The following PDE4DIP variants were observed in gnomAD, a reference collection of about 807,000 sequenced individuals.
PDE4DIP encodes myomegalin.
Under a neutral mutation model 221.4 loss-of-function variants are expected in PDE4DIP, and 59 were observed. The ratio of observed to expected loss-of-function variants is 0.27; its 90% CI spans 0.22 to 0.33. The LOEUF is 0.33. Among genes scored for constraint, PDE4DIP ranks in the 10% least tolerant of loss-of-function variants. The probability of loss-of-function intolerance (pLI) is 1.00; values close to 1 mark genes in which losing one functional copy is unlikely to be tolerated. For missense variants in PDE4DIP, 1,036 were observed against 2,154.2 expected (o/e 0.48, Z 10.28); for synonymous variants, 404 against 815.9 (o/e 0.50, Z 8.60).
chr1:148,927,358 A>G (rs2046951542), intron 1 of PDE4DIP, among the ~76,000 whole-genome samples: 1 of 152,062 alleles, frequency 6.6e-6, no homozygotes, highest in Non-Finnish European at 1.5e-5. Context: ...AAAACATACT[A>G]GTAATATGAT....
At chr1:148,935,049 A>T (rs2048922114) in intron 4 of PDE4DIP, among the ~76,000 whole-genome samples, 2 of 152,274 alleles carry the variant, frequency 1.3e-5, no homozygotes, top group Admixed American at 6.5e-5. Flanking sequence ...CCCCATCTCA[A>T]CTAAAAATAC....
intron 33 of PDE4DIP, among the ~76,000 whole-genome samples, chr1:149,016,873 G>A (rs1553611810): frequency 6.6e-6 from 1 of 152,294 alleles, no homozygotes; most frequent in African/African-American, 2.4e-5. Context: ...AGGCATAGAT[G>A]GGACTTTCTT....
chr1:148,981,432 G>A, intron 21 of PDE4DIP, 35 bp downstream of exon 24: 1 of 1,613,382 alleles, frequency 6.2e-7, no homozygotes, highest in South Asian at 1.1e-5. Flanking sequence ...TTCATCACAA[G>A]CATGCCTACT....
At chr1:148,967,698 C>T (rs781867918) in intron 12 of PDE4DIP, 28 bp from the exon 16 acceptor site, 5 of 1,237,262 alleles carry the variant, frequency 4.0e-6, no homozygotes, top group Admixed American at 1.8e-5. Flanking sequence ...ATCATTTTGA[C>T]TGATTATTGC....
At chr1:149,031,125 C>A (rs2076611561) in intron 43 of PDE4DIP, 1 of 399,512 alleles carries the variant, frequency 2.5e-6, no homozygotes, top group South Asian at 1.1e-4. Flanking sequence ...TTCACTAATT[C>A]CCTTTTGTTT....
At chr1:148,965,639 TCAG>T in exon 10 of PDE4DIP, 1 of 857,312 alleles carries the variant, frequency 1.2e-6, no homozygotes, top group East Asian at 2.4e-5. Context: ...AGCAGTTGCT[TCAG>T]GTGAGTTTAC....
intron 5 of PDE4DIP, chr1:148,953,968 A>C: frequency 9.6e-7 from 1 of 1,044,242 alleles, no homozygotes; most frequent in South Asian, 1.4e-5. Context: ...GCTTCACGTG[A>C]TTTCGGTCTA....
chr1:149,021,766 A>G (rs1264827000), intron 37 of PDE4DIP: 1 of 147,258 alleles, frequency 6.8e-6, no homozygotes, highest in Non-Finnish European at 1.5e-5. Flanking sequence ...AAAAACAAAA[A>G]CAAAAAAACC....
At chr1:148,972,854 G>A (rs1179627942) in intron 16 of PDE4DIP, among the ~76,000 whole-genome samples, 12 of 145,452 alleles carry the variant, frequency 8.3e-5, no homozygotes, top group Admixed American at 6.9e-4. Context: ...ATTCAGAAAT[G>A]CAGGAGGTAA....
exon 44 of PDE4DIP, chr1:149,032,124 G>C (rs782730349): frequency 2.1e-5 from 33 of 1,553,952 alleles, no homozygotes; most frequent in Admixed American, 5.6e-5. Flanking sequence ...AAGTCCACGG[G>C]AGGGTCCAGA....
chr1:148,968,706 G>T, intron 13 of PDE4DIP, 130 bp from the exon 17 acceptor site: 2 of 623,098 alleles, frequency 3.2e-6, no homozygotes, highest in Admixed American at 2.9e-5. Context: ...AAACAAAAAT[G>T]AGTAAAACAT....
At chr1:148,988,108 T>G (rs782186731) in intron 21 of PDE4DIP, among the ~76,000 whole-genome samples, 8 of 152,158 alleles carry the variant, frequency 5.3e-5, no homozygotes, top group Non-Finnish European at 1.0e-4. Context: ...TCAAGCCTCC[T>G]GCTGGGGAAA....
chr1:148,929,601 T>C (rs2047398347), intron 2 of PDE4DIP: 3 of 288,654 alleles, frequency 1.0e-5, no homozygotes, highest in Middle Eastern at 1.2e-3. Context: ...AAAGTATCAG[T>C]CAGCCTATAA....
At chr1:149,013,772 C>T (rs1553607874) in intron 32 of PDE4DIP, among the ~76,000 whole-genome samples, 1 of 81,864 alleles carries the variant, frequency 1.2e-5, no homozygotes, top group African/African-American at 6.5e-5. Context: ...TATTTCTTTC[C>T]TTCTTCCTCT....
intron 1 of PDE4DIP, among the ~76,000 whole-genome samples, chr1:148,923,718 C>G (rs2046032408): frequency 6.9e-6 from 1 of 145,682 alleles, no homozygotes; most frequent in African/African-American, 2.6e-5. Flanking sequence ...CGTGATCTGC[C>G]CGCCTCGGCC....
At chr1:148,950,397 T>C (rs1337704923) in intron 5 of PDE4DIP, among the ~76,000 whole-genome samples, 2 of 152,280 alleles carry the variant, frequency 1.3e-5, no homozygotes, top group Middle Eastern at 3.2e-3. Flanking sequence ...TTTTCTATTC[T>C]TGGTTTTTGA....
intron 4 of PDE4DIP, among the ~76,000 whole-genome samples, chr1:148,932,950 T>C (rs1183342406): frequency 6.6e-6 from 1 of 152,124 alleles, no homozygotes; most frequent in Non-Finnish European, 1.5e-5. Context: ...TTCTACCATG[T>C]GAGGATATAG....
rs1461276720 is a variant in PDE4DIP, at chr1:149,028,425, A to G, written c.6670-135A>G. On this transcript the variant is annotated intron_variant, in intron 40 of 43. Transcript: ENST00000369354. ...AAGGGAGCAGCACCTTAGTTCTGAG[A>G]GCTGCAAATGGTTGTGTGAGGGCTT... 23 of 602,550 alleles carry G rather than the reference A, an allele frequency of 3.8e-5. No individual in the cohort carries two copies. In the African/African-American group the frequency reaches 3.9e-4, roughly 10 times the overall value. The allele number at this position is 602,550 out of a possible 1,614,324, so 37.3% of individuals were successfully genotyped here. A position where few individuals can be genotyped will look rare whatever the true frequency, so the allele number is the denominator to read the frequency against.
intron 4 of PDE4DIP, among the ~76,000 whole-genome samples, chr1:148,936,689 T>C (rs1341529153): frequency 6.6e-6 from 1 of 152,204 alleles, no homozygotes; most frequent in Admixed American, 6.6e-5. Context: ...CTAGAAAAGG[T>C]TTATTCTGTT....
Sources: gnomAD v4.1 joint callset for allele counts (sites outside exome capture counted in the v4.1 genomes callset) on GRCh38, gnomAD v4.1.1 for gene constraint, MANE v1.5 for transcripts, NCBI Gene and HGNC (gene_info 2026-07-23, HGNC 2026-07-21) for gene names.